The following PCBP3 variants were observed in gnomAD, a reference collection of about 807,000 sequenced individuals.
PCBP3 encodes the protein poly(rC) binding protein 3.
In PCBP3, 25 loss-of-function variants were observed where a neutral mutation model predicts 52.7. That is an observed-to-expected ratio of 0.47 (90% CI 0.35 to 0.66). The LOEUF (loss-of-function observed/expected upper bound fraction) is 0.66, where lower values mean the gene tolerates loss of function less well. Ranked by LOEUF, PCBP3 falls within the 30% of genes least tolerant of loss-of-function variation. The probability of loss-of-function intolerance (pLI) is 0.01; values close to 1 mark genes in which losing one functional copy is unlikely to be tolerated. For synonymous variants in PCBP3, 162 were observed against 183.0 expected, an observed-to-expected ratio of 0.89 and a Z score of 0.93; for missense variants, 391 against 490.3, an observed-to-expected ratio of 0.80 and a Z score of 1.91.
chr21:45,797,628 A>G (rs982714510), intron 4 of PCBP3, among the ~76,000 whole-genome samples: 1 of 152,214 alleles, frequency 6.6e-6, no homozygotes, highest in African/African-American at 2.4e-5. Flanking sequence ...ATGAATCCAC[A>G]GAGAGTGAAT....
intron 12 of PCBP3, 92 bp downstream of exon 12, chr21:45,914,117 G>T (rs533467241): frequency 2.5e-6 from 4 of 1,594,876 alleles, no homozygotes; most frequent in Non-Finnish European, 3.4e-6. Flanking sequence ...AGGTTTTCTC[G>T]CCTTCTCACG....
At position 45,837,443 on chromosome 21, in the gene PCBP3, C is replaced by T. The variant is rs144241218; in HGVS notation, c.-125-12518C>T. On this transcript the variant is annotated intron_variant, in intron 4 of 17. Transcript: ENST00000681687. This position sits in a 1 kb window ranked among gnomAD's most constrained non-coding sequence, Gnocchi z 4.1. Reference sequence around the variant, plus strand: ...GCTGGCTCTTGGAGCCTAGGGATGGCGCTGTGAGAACAGGCCACGGCGCCC... The same window carrying T: ...GCTGGCTCTTGGAGCCTAGGGATGGTGCTGTGAGAACAGGCCACGGCGCCC... 1.4e-3 allele frequency among the ~76,000 whole-genome samples: 206 copies of T among 152,332 alleles called. No homozygotes were observed. Among genetic ancestry groups the T allele is most frequent in the Non-Finnish European group, 2.1e-3 (143 of 68,042 alleles).
intron 2 of PCBP3, among the ~76,000 whole-genome samples, chr21:45,726,171 G>T (rs552836056): frequency 1.3e-5 from 2 of 152,126 alleles, no homozygotes; most frequent in Non-Finnish European, 2.9e-5. Flanking sequence ...GCAGGATGAC[G>T]TGGGGAGGGT....
chr21:45,736,442 T>G lies in PCBP3; in HGVS notation c.-162+1013T>G, dbSNP rs1216656735. ...GCAGCCCTGGGCTGCTGTGAGGTCCTGAGCACAGTGCATCCTGAGGAGACA... is the reference window on the plus strand; with the variant it reads ...GCAGCCCTGGGCTGCTGTGAGGTCCGGAGCACAGTGCATCCTGAGGAGACA... On this transcript the variant is annotated intron_variant, in intron 3 of 17. Coordinates refer to ENST00000681687, the MANE Select transcript of PCBP3 (RefSeq NM_001384156.1). This position sits in a 1 kb window ranked among gnomAD's most constrained non-coding sequence, Gnocchi z 4.6. 6.6e-6 allele frequency among the ~76,000 whole-genome samples: 1 copy of G among 152,238 alleles called. No individual in the cohort carries two copies. Among genetic ancestry groups the G allele is most frequent in the Non-Finnish European group, 1.5e-5 (1 of 68,050 alleles).
At chr21:45,868,948 A>C (rs1250974910) in intron 5 of PCBP3, among the ~76,000 whole-genome samples, 2 of 152,202 alleles carry the variant, frequency 1.3e-5, no homozygotes, top group Non-Finnish European at 2.9e-5. Context: ...ACTTCTTCCC[A>C]TTGGAATTCA....
At chr21:45,862,238 G>T (rs904551397) in intron 5 of PCBP3, among the ~76,000 whole-genome samples, 3 of 151,958 alleles carry the variant, frequency 2.0e-5, no homozygotes, top group African/African-American at 7.3e-5. Context: ...TACATTATTA[G>T]TTACTGTAAC....
Position 45,821,737 on chromosome 21 carries a change from G to A in PCBP3, c.-125-28224G>A, listed in dbSNP as rs753631516. Among the ~76,000 whole-genome samples, 4 of 152,120 alleles carry A rather than the reference G, an allele frequency of 2.6e-5. No individual in the cohort carries two copies. Among genetic ancestry groups the A allele is most frequent in the Non-Finnish European group, 4.4e-5 (3 of 68,038 alleles). ...TCTTGTCACTTCTTGCTGGTGCTCT[G>A]TGGCTGTCATGCAGACTGGGGTTGG... On this transcript the variant is annotated intron_variant, in intron 4 of 17. Transcript: ENST00000681687. The surrounding 1 kb of genome is among the most constrained non-coding windows in gnomAD (Gnocchi z 4.4).
intron 1 of PCBP3, among the ~76,000 whole-genome samples, chr21:45,649,480 A>G (rs1211462328): frequency 6.6e-6 from 1 of 152,180 alleles, no homozygotes; most frequent in Admixed American, 6.5e-5. Context: ...CCAATTTTAA[A>G]TTTTTTCCAA....
intron 17 of PCBP3, among the ~76,000 whole-genome samples, chr21:45,941,163 C>T (rs2077429028): frequency 6.6e-6 from 1 of 152,204 alleles, no homozygotes; most frequent in Admixed American, 6.5e-5. Context: ...TGCCACAGGC[C>T]CATGGGCAGG....
intron 4 of PCBP3, among the ~76,000 whole-genome samples, chr21:45,822,158 G>A (rs951295037): frequency 5.3e-5 from 8 of 152,246 alleles, no homozygotes; most frequent in East Asian, 1.9e-4. Context: ...CCATTTGCTC[G>A]TTTGACCCTT....
At position 45,900,579 on chromosome 21, in the gene PCBP3, T is replaced by C. The variant is rs957107151; in HGVS notation, c.190-12T>C. ...GGATACCTTTTCCTTATTGTCTAAA[T>C]CTTTATTCCAGAAAGGAGAAACTGT... On this transcript the variant is annotated splice_polypyrimidine_tract_variant and intron_variant, in intron 7 of 17. Coordinates refer to ENST00000681687, the MANE Select transcript of PCBP3 (RefSeq NM_001384156.1). 1 of 1,609,842 alleles carries C rather than the reference T, an allele frequency of 6.2e-7. No individual in the cohort carries two copies. Among genetic ancestry groups the C allele is most frequent in the Non-Finnish European group, 8.5e-7 (1 of 1,176,948 alleles).
intron 4 of PCBP3, among the ~76,000 whole-genome samples, chr21:45,793,789 G>T (rs541099471): frequency 6.6e-6 from 1 of 152,180 alleles, no homozygotes; most frequent in East Asian, 1.9e-4. Flanking sequence ...CAAAATACTC[G>T]GGAAAAATGA....
chr21:45,798,950 T>G (rs1283151992), intron 4 of PCBP3, among the ~76,000 whole-genome samples: 1 of 151,162 alleles, frequency 6.6e-6, no homozygotes, highest in South Asian at 2.1e-4. Flanking sequence ...CATGGATGAA[T>G]GCATGGATCT....
At chr21:45,908,614 G>T (rs977794913) in intron 9 of PCBP3, among the ~76,000 whole-genome samples, 1 of 150,956 alleles carries the variant, frequency 6.6e-6, no homozygotes, top group Non-Finnish European at 1.5e-5. Context: ...TGTCCGCCAC[G>T]CTCTGCAGCG....
At position 45,769,813 on chromosome 21, in the gene PCBP3, A is replaced by G. The variant is rs74877557; in HGVS notation, c.-126+14361A>G. Among the ~76,000 whole-genome samples the G allele has an allele frequency of 5.1e-3, 770 of 152,372 alleles. 5 individuals are homozygous for G. The highest frequency in any genetic ancestry group is 0.018 in the African/African-American group (733 of 41,590). ...AAATGGGCCGCTCGTTTCACAAGTG[A>G]TAGAAATGTGACGTGACATATTTCA... On this transcript the variant is annotated intron_variant, in intron 4 of 17. Coordinates refer to ENST00000681687, the MANE Select transcript of PCBP3 (RefSeq NM_001384156.1).
At chr21:45,707,248 G>A (rs567706975) in intron 2 of PCBP3, among the ~76,000 whole-genome samples, 17 of 152,208 alleles carry the variant, frequency 1.1e-4, no homozygotes, top group Admixed American at 5.9e-4. Flanking sequence ...GGGTGCAGTA[G>A]CTTATGCCTG....
chr21:45,879,165 C>T (rs925485517), intron 5 of PCBP3, among the ~76,000 whole-genome samples: 2 of 152,004 alleles, frequency 1.3e-5, no homozygotes, highest in African/African-American at 2.4e-5. Context: ...TAAAATTTTT[C>T]GTAGAGATGA....
intron 6 of PCBP3, among the ~76,000 whole-genome samples, chr21:45,896,862 G>T: frequency 6.9e-6 from 1 of 145,842 alleles, no homozygotes. Flanking sequence ...TGTCTCTGTA[G>T]GAAAGGCGGC....
At chr21:45,929,885 CCTT>C (rs760894669) in intron 13 of PCBP3, 29 bp from the exon 14 acceptor site, 1 of 1,542,678 alleles carries the variant, frequency 6.5e-7, no homozygotes, top group Non-Finnish European at 9.0e-7. Context: ...ATGACAATAA[CCTT>C]CTTAGCTCTC....
Sources: allele counts gnomAD v4.1 joint callset (sites outside exome capture counted in the v4.1 genomes callset), GRCh38; gene constraint gnomAD v4.1.1; non-coding constraint Gnocchi (gnomAD v3.1); transcripts MANE v1.5; gene names NCBI Gene and HGNC (gene_info 2026-07-23, HGNC 2026-07-21).